The following LIFR variants were observed in gnomAD, a reference collection of about 807,000 sequenced individuals.
The protein encoded by LIFR is LIF receptor subunit alpha, also known as leukemia inhibitory factor receptor.
In LIFR, 84 loss-of-function variants were observed where a neutral mutation model predicts 122.2. The ratio of observed to expected loss-of-function variants is 0.69; its 90% CI spans 0.58 to 0.82. LIFR has a LOEUF of 0.82. Among genes scored for constraint, LIFR ranks in the 40% least tolerant of loss-of-function variants. The pLI, the probability that LIFR is intolerant of heterozygous loss-of-function variation, is 0.00. For synonymous variants in LIFR, 422 were observed against 434.7 expected, an observed-to-expected ratio of 0.97 and a Z score of 0.36; for missense variants, 1,294 against 1,311.6, an observed-to-expected ratio of 0.99 and a Z score of 0.21.
chr5:38,529,467 T>C lies in LIFR; in HGVS notation c.143-627A>G, dbSNP rs186970733. On this transcript the variant is annotated intron_variant, in intron 2 of 19. Transcript: ENST00000453190. ...AACAGTAATAAACTCATGAGTTCAT[T>C]TGAGAAATATATTTTTGGTGTGGGC... 3.1e-4 allele frequency among the ~76,000 whole-genome samples: 47 copies of C among 152,238 alleles called. No individual in the cohort carries two copies. The East Asian group carries it at 8.9e-3, about 29-fold the overall frequency.
At chr5:38,559,095 T>G (rs892676978), upstream of LIFR, 1 of 152,266 alleles carries the variant, frequency 6.6e-6, no homozygotes, top group African/African-American at 2.4e-5. Context: ...AGGCCTGGGA[T>G]GGAGGCCTAG....
intron 1 of LIFR, among the ~76,000 whole-genome samples, chr5:38,580,354 G>C (rs1037358984): frequency 6.6e-6 from 1 of 152,094 alleles, no homozygotes; most frequent in African/African-American, 2.4e-5. Flanking sequence ...TCATTGTGGT[G>C]ATCATCATTT....
chr5:38,517,954 AAC>A (rs1339246318), intron 5 of LIFR, among the ~76,000 whole-genome samples: 1 of 149,182 alleles, frequency 6.7e-6, no homozygotes, highest in African/African-American at 2.5e-5. Context: ...AAAAAAAAAA[AAC>A]AAACAAAAAA....
intron 1 of LIFR, among the ~76,000 whole-genome samples, chr5:38,583,004 A>G (rs549480406): frequency 1.3e-5 from 2 of 152,230 alleles, no homozygotes; most frequent in East Asian, 3.9e-4. Context: ...CATTGTAATT[A>G]TTTGTTTATT....
At chr5:38,537,379 C>G (rs1747346121) in intron 1 of LIFR, among the ~76,000 whole-genome samples, 1 of 152,202 alleles carries the variant, frequency 6.6e-6, no homozygotes, top group Non-Finnish European at 1.5e-5. Context: ...TCTTTCGGGA[C>G]TCACGCTATC....
chr5:38,506,385 A>G, intron 8 of LIFR, 118 bp downstream of exon 8: 2 of 1,170,008 alleles, frequency 1.7e-6, no homozygotes, highest in Admixed American at 1.7e-5. Context: ...TTTATACAGC[A>G]TATTTGGTTT....
chr5:38,597,694 T>G (rs761026021), upstream of LIFR, among the ~76,000 whole-genome samples: 3 of 152,052 alleles, frequency 2.0e-5, no homozygotes, highest in Non-Finnish European at 4.4e-5. Context: ...ATGCAGAGGT[T>G]GAGAACCCCT....
At chr5:38,515,253 A>C (rs910070960) in intron 5 of LIFR, among the ~76,000 whole-genome samples, 1 of 152,154 alleles carries the variant, frequency 6.6e-6, no homozygotes, top group Non-Finnish European at 1.5e-5. Flanking sequence ...TCGGCTATTT[A>C]CCACACTCTG....
chr5:38,587,013 T>TAC (rs1432545220), intron 1 of LIFR, among the ~76,000 whole-genome samples: 5 of 152,194 alleles, frequency 3.3e-5, no homozygotes. Context: ...TGTGCTGATC[T>TAC]ACATTACCCT....
At chr5:38,573,944 G>A (rs1236555834) in intron 1 of LIFR, among the ~76,000 whole-genome samples, 1 of 151,970 alleles carries the variant, frequency 6.6e-6, no homozygotes, top group Admixed American at 6.6e-5. Context: ...GTGAAACCCC[G>A]TCTCTACTAA....
chr5:38,606,835 A>G (rs1212444446), intron 1 of LIFR, among the ~76,000 whole-genome samples: 1 of 152,162 alleles, frequency 6.6e-6, no homozygotes, highest in African/African-American at 2.4e-5. Context: ...GAGGCAACCC[A>G]GTACATCCCC....
Position 38,499,529 on chromosome 5 carries a change from A to AC in LIFR, c.1654_1655insG (p.Leu552CysfsTer11). ...GATATTTACCTTCCAATAGATTATT[A>AC]AATTTTTTCCATCAGAACTCCACTC... On this transcript the variant is annotated frameshift_variant, in exon 12 of 20. Coordinates refer to ENST00000453190, the MANE Select transcript of LIFR (RefSeq NM_001127671.2). LOFTEE classifies it high-confidence loss of function. The AC allele has an allele frequency of 6.2e-7, 1 of 1,603,348 alleles. No homozygotes were observed. The highest frequency in any genetic ancestry group is 8.5e-7 in the Non-Finnish European group (1 of 1,170,180).
intron 1 of LIFR, among the ~76,000 whole-genome samples, chr5:38,533,138 T>G (rs1006882148): frequency 3.9e-5 from 6 of 152,196 alleles, no homozygotes; most frequent in African/African-American, 1.4e-4. Context: ...TTTGTAAATG[T>G]GAGAAAATAA....
Position 38,513,004 on chromosome 5 carries a change from T to C in LIFR, c.562-1040A>G, listed in dbSNP as rs184124885. Among the ~76,000 whole-genome samples, 101 of 152,248 alleles carry C rather than the reference T, an allele frequency of 6.6e-4. 1 individual carries two copies. Among genetic ancestry groups the C allele is most frequent in the Non-Finnish European group, 1.2e-3 (81 of 68,012 alleles). On this transcript the variant is annotated intron_variant, in intron 5 of 19. Transcript: ENST00000453190. ...TTATACTAATACAAATTATTATTAA[T>C]TGTGAGAAATGAGCAAGATTTCAAT... is the stretch of plus-strand genomic sequence containing the variant.
chr5:38,581,793 CA>C (rs1330633834), intron 1 of LIFR, among the ~76,000 whole-genome samples: 1 of 152,142 alleles, frequency 6.6e-6, no homozygotes, highest in Non-Finnish European at 1.5e-5. Context: ...TTAAATGGGG[CA>C]GGGAAATATA....
intron 14 of LIFR, among the ~76,000 whole-genome samples, chr5:38,492,464 T>C (rs1744647203): frequency 6.6e-6 from 1 of 151,968 alleles, no homozygotes; most frequent in African/African-American, 2.4e-5. Context: ...TGGGAGGGGA[T>C]GGAAGGGAAG....
At position 38,505,896 on chromosome 5, in the gene LIFR, A is replaced by G. The variant is rs1315106074; in HGVS notation, c.1291+9T>C. On this transcript the variant is annotated intron_variant, in intron 9 of 19. Transcript: ENST00000453190. ...TTATTTTTAAGACATTAGTTTATGT[A>G]CAGCTTACCTTTTTCAGTTATATTA... 6.3e-7 allele frequency: 1 copy of G among 1,588,050 alleles called. No homozygotes were observed. The highest frequency in any genetic ancestry group is 1.1e-5 in the South Asian group (1 of 88,314).
In LIFR at chr5:38,510,694, A is replaced by C; in HGVS notation, c.761T>G (p.Val254Gly). The C allele has an allele frequency of 6.2e-7, 1 of 1,612,948 alleles. No individual in the cohort carries two copies. Among genetic ancestry groups the C allele is most frequent in the Non-Finnish European group, 8.5e-7 (1 of 1,179,074 alleles). ...ISWIPDSQTK[V>G]FPQDKVILVG... Reference sequence around the variant, plus strand: ...AAGTATCACTTTATCTTGAGGAAAAACCTTAGTCTGAGAATCAGGTATCCC... The same window carrying C: ...AAGTATCACTTTATCTTGAGGAAAACCCTTAGTCTGAGAATCAGGTATCCC... The change falls in exon 7 of 20, where the codon GTT becomes GGT. Residue 254 changes from valine to glycine, a missense_variant. Transcript: ENST00000453190.
At chr5:38,528,682 C>G (rs183667396) in intron 3 of LIFR, 44 bp downstream of exon 3, 1 of 1,160,564 alleles carries the variant, frequency 8.6e-7, no homozygotes, top group South Asian at 1.3e-5. Flanking sequence ...GTCGTTTCTG[C>G]AATTCAACCT....
Sources: allele counts gnomAD v4.1 joint callset (sites outside exome capture counted in the v4.1 genomes callset), GRCh38; gene constraint gnomAD v4.1.1; transcripts MANE v1.5; gene names NCBI Gene and HGNC (gene_info 2026-07-23, HGNC 2026-07-21).